Variants in REPS2 observed in about 807,000 individuals in gnomAD.
The protein encoded by REPS2 is RALBP1 associated Eps domain containing 2.
In REPS2, 23 loss-of-function variants were observed where a neutral mutation model predicts 53.6. That is an observed-to-expected ratio of 0.43 (90% CI 0.31 to 0.61). The LOEUF is 0.61. Ranked by LOEUF, REPS2 falls within the 20% of genes least tolerant of loss-of-function variation. REPS2 has a pLI of 0.11. For missense variants in REPS2, 446 were observed against 534.9 expected (o/e 0.83, Z 1.64); for synonymous variants, 238 against 218.6 (o/e 1.09, Z -0.78).
intron 13 of REPS2, among the ~76,000 whole-genome samples, chrX:17,087,908 C>T (rs2148016968): frequency 9.3e-6 from 1 of 107,368 alleles, no homozygotes; most frequent in Admixed American, 1.0e-4. Context: ...TGGGCAAGGA[C>T]AGAGTGAGAC....
chrX:17,077,783 T>C (rs1269315269), intron 13 of REPS2, among the ~76,000 whole-genome samples: 2 of 112,683 alleles, frequency 1.8e-5, no homozygotes, highest in African/African-American at 6.5e-5. Context: ...TGTGGTCTTC[T>C]ATGAAAGATC....
chrX:16,951,241 C>T (rs186600797), intron 1 of REPS2, among the ~76,000 whole-genome samples: 29 of 111,479 alleles, frequency 2.6e-4, no homozygotes, highest in African/African-American at 9.1e-4. Flanking sequence ...TTTACCTGTT[C>T]GTAGACATAT....
chrX:17,133,757 C>A, intron 14 of REPS2, 67 bp from the exon 15 acceptor site: 1 of 932,388 alleles, frequency 1.1e-6, no homozygotes, highest in Non-Finnish European at 1.6e-6. Flanking sequence ...TTCCTAAGTG[C>A]TCTTTATTGT....
chrX:16,965,195 A>C (rs1602525699), intron 1 of REPS2, among the ~76,000 whole-genome samples: 2 of 74,695 alleles, frequency 2.7e-5, no homozygotes, highest in African/African-American at 5.4e-5. Context: ...GTGGCTCCTC[A>C]CTTCCCAGTA....
intron 13 of REPS2, among the ~76,000 whole-genome samples, chrX:17,080,711 AAT>A (rs1284500292): frequency 8.9e-6 from 1 of 112,246 alleles, no homozygotes; most frequent in Admixed American, 9.4e-5. Context: ...TTACCTGTGT[AAT>A]AGGCAGTTTC....
downstream of REPS2, among the ~76,000 whole-genome samples, chrX:17,157,223 A>G (rs1162500336): frequency 3.6e-5 from 4 of 111,739 alleles, no homozygotes; most frequent in Non-Finnish European, 7.5e-5. Context: ...CTTGTATTTT[A>G]TATGATAAGA....
chrX:17,126,096 C>A (rs1214084976), intron 14 of REPS2, among the ~76,000 whole-genome samples: 2 of 112,345 alleles, frequency 1.8e-5, no homozygotes, highest in Non-Finnish European at 3.8e-5. Context: ...TCTGCCTAAA[C>A]TATTATAATT....
At chrX:17,108,407 C>T (rs758608895) in intron 14 of REPS2, among the ~76,000 whole-genome samples, 4 of 110,294 alleles carry the variant, frequency 3.6e-5, no homozygotes, top group South Asian at 3.9e-4. Flanking sequence ...CTCCTGACCT[C>T]GTGATCTGCC....
chrX:17,131,695 A>T (rs2063293816), intron 14 of REPS2, among the ~76,000 whole-genome samples: 2 of 111,437 alleles, frequency 1.8e-5, no homozygotes, highest in South Asian at 7.7e-4. Context: ...TGGGGGACAT[A>T]GAGAGCTGCT....
intron 1 of REPS2, among the ~76,000 whole-genome samples, chrX:16,989,955 G>T (rs1403935886): frequency 8.9e-6 from 1 of 112,259 alleles, no homozygotes; most frequent in Non-Finnish European, 1.9e-5. Flanking sequence ...GAGAAGTGAA[G>T]ATTTATGTTC....
chrX:16,979,669 G>A (rs1203718801), intron 1 of REPS2, among the ~76,000 whole-genome samples: 1 of 111,519 alleles, frequency 9.0e-6, no homozygotes, highest in Non-Finnish European at 1.9e-5. Context: ...TTATGTACTC[G>A]GTACAAAGCA....
intron 6 of REPS2, among the ~76,000 whole-genome samples, chrX:17,050,180 TTCTTTCTTTCTTTC>T (rs2061970550): frequency 1.8e-5 from 1 of 56,642 alleles, no homozygotes; most frequent in African/African-American, 8.1e-5. Context: ...CTTTCTTTCT[TTCTTTCTTTCTTTC>T]TTTTTTTTTT....
chrX:16,987,458 T>C (rs915693088), intron 1 of REPS2, among the ~76,000 whole-genome samples: 2 of 112,532 alleles, frequency 1.8e-5, no homozygotes, highest in African/African-American at 6.5e-5. Context: ...TCATAGATAA[T>C]GCAAAGACCT....
intron 1 of REPS2, among the ~76,000 whole-genome samples, chrX:16,951,439 C>T (rs1046493355): frequency 3.8e-5 from 4 of 104,404 alleles, no homozygotes; most frequent in Non-Finnish European, 5.9e-5. Context: ...AGTCTGAGGT[C>T]GGAGGATTAC....
At chrX:17,189,771 TC>T in the REPS2 span, among the ~76,000 whole-genome samples, 1 of 111,240 alleles carries the variant, frequency 9.0e-6, no homozygotes, top group Non-Finnish European at 1.9e-5. Flanking sequence ...TTTCTGGCTC[TC>T]CACTTCCAGG....
At chrX:17,012,380 A>AAACAACAAC (rs370794081) in intron 2 of REPS2, among the ~76,000 whole-genome samples, 2,250 of 101,898 alleles carry the variant, frequency 0.022, 54 homozygotes, top group African/African-American at 0.066. Context: ...TGCCATCTCA[A>AAACAACAAC]AACAACAACA....
chrX:16,986,796 A>C (rs1214008869), intron 1 of REPS2, among the ~76,000 whole-genome samples: 1 of 111,183 alleles, frequency 9.0e-6, no homozygotes, highest in Non-Finnish European at 1.9e-5. Flanking sequence ...AAAGTCCCAC[A>C]TCCCAGGAAC....
At chrX:17,043,013 T>C (rs1044531527) in intron 5 of REPS2, among the ~76,000 whole-genome samples, 2 of 111,167 alleles carry the variant, frequency 1.8e-5, no homozygotes, top group Admixed American at 1.9e-4. Context: ...CCCAGGCTGG[T>C]CTCAAACTCC....
rs181344128 is a variant in REPS2, at chrX:17,137,332, A to T, written c.1809-1524A>T. Reference sequence around the variant, plus strand: ...TATTATAGCCATCCTAGTGAGTGTGAAGTGTGATCTCATGGTTTTGATTTG... The same window carrying T: ...TATTATAGCCATCCTAGTGAGTGTGTAGTGTGATCTCATGGTTTTGATTTG... On this transcript the variant is annotated intron_variant, in intron 16 of 17. Transcript: ENST00000357277. The T allele has an allele frequency of 5.4e-5, 6 of 111,822 alleles. No individual in the cohort carries two copies. In the East Asian group the frequency reaches 1.4e-3, roughly 26 times the overall value. 9.2% of individuals were successfully genotyped at this position (111,822 alleles called of 1,213,427 possible).
Sources: gnomAD v4.1 joint callset for allele counts (sites outside exome capture counted in the v4.1 genomes callset) on GRCh38, gnomAD v4.1.1 for gene constraint, MANE v1.5 for transcripts, NCBI Gene and HGNC (gene_info 2026-07-23, HGNC 2026-07-21) for gene names.